The following KMT2E variants were observed in gnomAD, a reference collection of about 807,000 sequenced individuals.
KMT2E encodes the protein lysine methyltransferase 2E (inactive), also known as histone reader KMT2E.
A neutral mutation model predicts 184.6 loss-of-function variants in KMT2E; 30 were observed. The observed-to-expected ratio is 0.16, with a 90% CI of 0.12 to 0.22. The LOEUF (loss-of-function observed/expected upper bound fraction) is 0.22, where lower values mean the gene tolerates loss of function less well. KMT2E is among the 10% of genes least tolerant of loss of function. The pLI, the probability that KMT2E is intolerant of heterozygous loss-of-function variation, is 1.00. For synonymous variants in KMT2E, 815 were observed against 776.5 expected (o/e 1.05, Z -0.82); for missense variants, 2,023 against 2,237.4 (o/e 0.90, Z 1.93).
In KMT2E at chr7:105,111,974, TAAC is replaced by T. The variant is rs751278964; in HGVS notation, c.4222_4224del (p.Asn1408del). 55 of 1,614,132 alleles carry T rather than the reference TAAC, an allele frequency of 3.4e-5. No individual in the cohort carries two copies. In the East Asian group the frequency reaches 8.7e-4, roughly 26 times the overall value. On this transcript the variant is annotated inframe_deletion, in exon 27 of 27. Transcript: ENST00000311117. Reference sequence around the variant, plus strand: ...AGCTCCAACAAAAACAGCTATCAAATAACAACCAAGCACTTTCAAAGAATCATC... The same window carrying T: ...AGCTCCAACAAAAACAGCTATCAAATAACCAAGCACTTTCAAAGAATCATC...
At chr7:105,073,120 T>G (rs1225380220) in intron 6 of KMT2E, among the ~76,000 whole-genome samples, 2 of 151,858 alleles carry the variant, frequency 1.3e-5, no homozygotes, top group African/African-American at 4.8e-5. Context: ...AAGTAAATTA[T>G]TTTCTTGGCC....
chr7:105,077,640 C>T (rs141735263), intron 11 of KMT2E: 15 of 482,962 alleles, frequency 3.1e-5, no homozygotes, highest in South Asian at 1.4e-4. Context: ...AGATATATTC[C>T]GGTCTCTTGC....
intron 15 of KMT2E, among the ~76,000 whole-genome samples, chr7:105,093,160 A>T (rs980942033): frequency 2.0e-5 from 3 of 152,190 alleles, no homozygotes; most frequent in Non-Finnish European, 4.4e-5. Flanking sequence ...CTACCACTGC[A>T]CTCCAGCCTA....
Position 105,014,360 on chromosome 7 carries a change from C to T in KMT2E, c.-364C>T, listed in dbSNP as rs1386170288. ...CTGCCTGGCTGCCCCCTCCCCTACTCCTCGGTTCCTGGTGAAGAGGCTGCG... is the reference window on the plus strand; with the variant it reads ...CTGCCTGGCTGCCCCCTCCCCTACTTCTCGGTTCCTGGTGAAGAGGCTGCG... On this transcript the variant is annotated 5_prime_UTR_variant, in exon 1 of 27. Coordinates refer to ENST00000311117, the MANE Select transcript of KMT2E (RefSeq NM_182931.3). 3 of 154,838 alleles carry T rather than the reference C, an allele frequency of 1.9e-5. No individual in the cohort carries two copies. Among genetic ancestry groups the T allele is most frequent in the African/African-American group, 7.2e-5 (3 of 41,452 alleles). 9.6% of individuals were successfully genotyped at this position (154,838 alleles called of 1,614,324 possible).
chr7:105,044,179 T>TTA (rs763015764), intron 3 of KMT2E, among the ~76,000 whole-genome samples: 21 of 152,152 alleles, frequency 1.4e-4, no homozygotes, highest in Non-Finnish European at 2.2e-4. Flanking sequence ...CAATGAAAAT[T>TTA]AAAGTGGTAT....
At chr7:105,060,558 C>G (rs1276355232) in intron 3 of KMT2E, among the ~76,000 whole-genome samples, 21 of 151,908 alleles carry the variant, frequency 1.4e-4, no homozygotes, top group African/African-American at 4.1e-4. Flanking sequence ...TCCCAAGTAG[C>G]TAGGACTACA....
At chr7:105,096,201 C>A (rs1189996819) in intron 15 of KMT2E, among the ~76,000 whole-genome samples, 1 of 141,616 alleles carries the variant, frequency 7.1e-6, no homozygotes, top group Non-Finnish European at 1.5e-5. Context: ...CTGCAGTGAG[C>A]CAAGATGGCA....
At chr7:105,051,959 C>CT (rs2129566206) in intron 3 of KMT2E, among the ~76,000 whole-genome samples, 1 of 152,266 alleles carries the variant, frequency 6.6e-6, no homozygotes, top group East Asian at 1.9e-4. Context: ...CTTGTAATCT[C>CT]TTGACTAGAC....
intron 1 of KMT2E, among the ~76,000 whole-genome samples, chr7:105,028,528 T>A (rs1795267097): frequency 6.9e-6 from 1 of 144,794 alleles, no homozygotes; most frequent in Non-Finnish European, 1.5e-5. Flanking sequence ...GATGGTCTCA[T>A]TCACCCAGGC....
chr7:105,102,504 A>G (rs892983282), intron 17 of KMT2E: 4 of 182,982 alleles, frequency 2.2e-5, no homozygotes, highest in African/African-American at 9.5e-5. Context: ...TAGATGTGTT[A>G]TCCTTTATAT....
At chr7:105,088,565 T>C (rs1455263792) in intron 13 of KMT2E, among the ~76,000 whole-genome samples, 1 of 152,250 alleles carries the variant, frequency 6.6e-6, no homozygotes, top group Admixed American at 6.5e-5. Flanking sequence ...ATTATTGTTT[T>C]AACTGAGGTT....
chr7:105,068,070 C>T (rs886116416), intron 6 of KMT2E, among the ~76,000 whole-genome samples: 2 of 152,156 alleles, frequency 1.3e-5, no homozygotes, highest in Non-Finnish European at 2.9e-5. Context: ...ATTCATCTCT[C>T]AAGTTCCTAA....
rs781302931 is a variant in KMT2E, at chr7:105,109,058, T to C, written c.3585T>C (p.Asn1195=). 29 of 1,614,006 alleles carry C rather than the reference T, an allele frequency of 1.8e-5. No homozygotes were observed. Among genetic ancestry groups the C allele is most frequent in the Non-Finnish European group, 2.5e-5 (29 of 1,180,016 alleles). Residue 1195 remains asparagine, a synonymous_variant, in exon 23 of 27, where the codon AAT becomes AAC. Transcript: ENST00000311117. The part of the protein sequence containing the change: ...SPHASGSLSN[N]GDGCASSNDN... ...ATGCAAGTGGAAGCTTGAGCAACAA[T>C]GGTGATGGCTGTGCCAGCAGTAATG...
intron 20 of KMT2E, 144 bp downstream of exon 20, chr7:105,106,916 TTA>T (rs1482994333): frequency 1.2e-6 from 1 of 842,116 alleles, no homozygotes; most frequent in Admixed American, 2.9e-5. Flanking sequence ...AAAAATTCAT[TTA>T]TATGAATTTA....
At chr7:105,099,430 A>T (rs1798561601) in intron 15 of KMT2E, among the ~76,000 whole-genome samples, 1 of 152,202 alleles carries the variant, frequency 6.6e-6, no homozygotes. Context: ...CAACTCTAGA[A>T]GATTATGAAC....
chr7:105,048,608 C>T (rs1302867365), intron 3 of KMT2E, among the ~76,000 whole-genome samples: 1 of 152,106 alleles, frequency 6.6e-6, no homozygotes, highest in Non-Finnish European at 1.5e-5. Flanking sequence ...TCCTCTTTTA[C>T]TTGCCTAATT....
chr7:105,033,546 T>C (rs960576859), intron 1 of KMT2E, among the ~76,000 whole-genome samples: 1 of 152,214 alleles, frequency 6.6e-6, no homozygotes, highest in African/African-American at 2.4e-5. Flanking sequence ...TCGCCCAGTC[T>C]GGAGTGCAGT....
At chr7:105,051,024 G>A (rs1211366529) in intron 3 of KMT2E, among the ~76,000 whole-genome samples, 1 of 150,768 alleles carries the variant, frequency 6.6e-6, no homozygotes, top group East Asian at 2.0e-4. Context: ...ACAGCACCAG[G>A]CCTCATCTAT....
At chr7:105,090,386 T>G in intron 14 of KMT2E, 113 bp downstream of exon 14, 1 of 1,179,128 alleles carries the variant, frequency 8.5e-7, no homozygotes, top group Non-Finnish European at 1.2e-6. Flanking sequence ...AAGTCCATTC[T>G]GTCATTTAAT....
Sources: gnomAD v4.1 joint callset for allele counts (sites outside exome capture counted in the v4.1 genomes callset) on GRCh38, gnomAD v4.1.1 for gene constraint, MANE v1.5 for transcripts, NCBI Gene and HGNC (gene_info 2026-07-23, HGNC 2026-07-21) for gene names.